The following STXBP5L variants were observed in gnomAD, a reference collection of about 807,000 sequenced individuals.
STXBP5L encodes the protein syntaxin binding protein 5L.
Under a neutral mutation model 144.5 loss-of-function variants are expected in STXBP5L, and 65 were observed. The ratio of observed to expected loss-of-function variants is 0.45; its 90% CI spans 0.37 to 0.55. STXBP5L has a LOEUF of 0.55. Ranked by LOEUF, STXBP5L falls within the 20% of genes least tolerant of loss-of-function variation. The probability of loss-of-function intolerance (pLI) is 0.00; values close to 1 mark genes in which losing one functional copy is unlikely to be tolerated. For synonymous variants in STXBP5L, 505 were observed against 469.6 expected (o/e 1.08, Z -0.97); for missense variants, 1,298 against 1,405.5 (o/e 0.92, Z 1.22).
At chr3:121,049,398 G>A (rs994845700) in intron 5 of STXBP5L, among the ~76,000 whole-genome samples, 1 of 152,110 alleles carries the variant, frequency 6.6e-6, no homozygotes, top group African/African-American at 2.4e-5. Context: ...TCAGTGAGAA[G>A]TAGCAGGGGT....
chr3:121,240,602 A>G, intron 14 of STXBP5L, 95 bp downstream of exon 14: 1 of 1,158,450 alleles, frequency 8.6e-7, no homozygotes, highest in Non-Finnish European at 1.2e-6. Flanking sequence ...ATGCAGAATA[A>G]TAGTTTAAGT....
intron 7 of STXBP5L, among the ~76,000 whole-genome samples, chr3:121,132,163 C>T (rs960637818): frequency 2.6e-5 from 4 of 152,180 alleles, no homozygotes; most frequent in East Asian, 3.8e-4. Flanking sequence ...CAGCAAATTG[C>T]GCTGATAAAC....
At chr3:120,994,688 A>G (rs1436273460) in intron 3 of STXBP5L, among the ~76,000 whole-genome samples, 1 of 151,834 alleles carries the variant, frequency 6.6e-6, no homozygotes, top group Non-Finnish European at 1.5e-5. Context: ...GTTTGCTAGT[A>G]TTCTGTTGAT....
chr3:121,248,619 C>A (rs937496313), intron 14 of STXBP5L, among the ~76,000 whole-genome samples: 2 of 152,160 alleles, frequency 1.3e-5, no homozygotes, highest in African/African-American at 4.8e-5. Context: ...TTGATAGTTT[C>A]TTTTGCTGTG....
intron 5 of STXBP5L, among the ~76,000 whole-genome samples, chr3:121,081,142 ATTG>A (rs1384920606): frequency 1.3e-5 from 2 of 151,296 alleles, no homozygotes; most frequent in African/African-American, 4.9e-5. Context: ...GTTCTAGTCT[ATTG>A]TTGAAACTCT....
At chr3:121,210,367 C>T (rs535058877) in intron 10 of STXBP5L, among the ~76,000 whole-genome samples, 92 of 151,780 alleles carry the variant, frequency 6.1e-4, no homozygotes, top group Middle Eastern at 3.4e-3. Context: ...AAATTTTCTC[C>T]CATTCTGTAG....
chr3:121,346,358 G>A (rs1273391474), intron 20 of STXBP5L, among the ~76,000 whole-genome samples: 2 of 151,998 alleles, frequency 1.3e-5, no homozygotes, highest in Non-Finnish European at 2.9e-5. Context: ...TCACTGATGG[G>A]CATTGGGGTT....
At chr3:121,325,872 G>T (rs953072288) in intron 20 of STXBP5L, among the ~76,000 whole-genome samples, 9 of 151,850 alleles carry the variant, frequency 5.9e-5, no homozygotes, top group Admixed American at 5.2e-4. Context: ...GCTAAGAAAA[G>T]ATTCTATAGC....
At chr3:121,336,001 A>G (rs1280041209) in intron 20 of STXBP5L, among the ~76,000 whole-genome samples, 1 of 152,200 alleles carries the variant, frequency 6.6e-6, no homozygotes, top group Non-Finnish European at 1.5e-5. Flanking sequence ...AATGGGAGAA[A>G]ATATTTTCAA....
intron 2 of STXBP5L, among the ~76,000 whole-genome samples, chr3:120,930,622 A>G (rs1378104073): frequency 6.6e-6 from 1 of 152,218 alleles, no homozygotes; most frequent in Non-Finnish European, 1.5e-5. Context: ...GTTTTGATAT[A>G]TCACATTTTG....
Position 121,004,047 on chromosome 3 carries a change from C to T in STXBP5L, c.288-37653C>T, listed in dbSNP as rs552344999. Among the ~76,000 whole-genome samples, 28 of 151,916 alleles carry T rather than the reference C, an allele frequency of 1.8e-4. No individual in the cohort carries two copies. The South Asian group carries it at 5.8e-3, about 32-fold the overall frequency. On this transcript the variant is annotated intron_variant, in intron 3 of 26. Transcript: ENST00000471454. ...TGGCAATGCAGGCTCTTTTTTGGTT[C>T]CATATGAACTTTAAAGTAGTTTTTT...
intron 13 of STXBP5L, among the ~76,000 whole-genome samples, chr3:121,239,602 G>A (rs374950680): frequency 7.4e-5 from 11 of 148,982 alleles, no homozygotes; most frequent in East Asian, 4.0e-4. Context: ...GTAAACTATC[G>A]CAAGAACAAA....
At chr3:120,919,856 A>G (rs779525823) in intron 2 of STXBP5L, among the ~76,000 whole-genome samples, 19 of 152,008 alleles carry the variant, frequency 1.2e-4, no homozygotes, top group Admixed American at 2.0e-4. Context: ...TTCATGTTTT[A>G]TAACTTTTAT....
At chr3:121,165,119 A>G (rs879324230) in intron 9 of STXBP5L, among the ~76,000 whole-genome samples, 10 of 152,356 alleles carry the variant, frequency 6.6e-5, no homozygotes, top group Admixed American at 6.5e-4. Flanking sequence ...TGTACATTCC[A>G]TAACGTCATG....
At chr3:121,232,146 A>G (rs1221842573) in intron 11 of STXBP5L, among the ~76,000 whole-genome samples, 3 of 152,224 alleles carry the variant, frequency 2.0e-5, no homozygotes, top group Non-Finnish European at 2.9e-5. Flanking sequence ...AACAACATAA[A>G]CAAGTGACTA....
At chr3:121,064,338 A>G (rs1427204381) in intron 5 of STXBP5L, among the ~76,000 whole-genome samples, 1 of 152,166 alleles carries the variant, frequency 6.6e-6, no homozygotes, top group Non-Finnish European at 1.5e-5. Flanking sequence ...TGAGCTGAGT[A>G]CCTCAGTTCA....
chr3:121,202,730 T>G (rs1362073707), intron 9 of STXBP5L, among the ~76,000 whole-genome samples: 1 of 152,104 alleles, frequency 6.6e-6, no homozygotes, highest in Non-Finnish European at 1.5e-5. Flanking sequence ...CATATCACAT[T>G]CCATTGCCTT....
intron 3 of STXBP5L, among the ~76,000 whole-genome samples, chr3:120,992,653 G>C (rs1216820094): frequency 6.6e-6 from 1 of 151,848 alleles, no homozygotes; most frequent in East Asian, 1.9e-4. Flanking sequence ...TTAAATAACT[G>C]AATAGATTTC....
intron 7 of STXBP5L, among the ~76,000 whole-genome samples, chr3:121,147,556 T>C (rs1227996607): frequency 2.0e-5 from 3 of 152,140 alleles, no homozygotes; most frequent in African/African-American, 4.8e-5. Context: ...CCCAGTAAGC[T>C]AGATAAACAG....
Sources: allele counts gnomAD v4.1 joint callset (sites outside exome capture counted in the v4.1 genomes callset), GRCh38; gene constraint gnomAD v4.1.1; transcripts MANE v1.5; gene names NCBI Gene and HGNC (gene_info 2026-07-23, HGNC 2026-07-21).